HAO2: variants seen among roughly 807,000 people sequenced by gnomAD.
HAO2 encodes 2-Hydroxyacid oxidase 2.
HAO2 carries 42 observed loss-of-function variants against 37.4 expected under a neutral mutation model. That is an observed-to-expected ratio of 1.12 (90% CI 0.88 to 1.45). The LOEUF (loss-of-function observed/expected upper bound fraction) is 1.45, where lower values mean the gene tolerates loss of function less well. Among genes scored for constraint, HAO2 ranks in the 40% most tolerant of loss-of-function variants. The probability of loss-of-function intolerance (pLI) is 0.00; values close to 1 mark genes in which losing one functional copy is unlikely to be tolerated. For missense variants in HAO2, 476 were observed against 430.2 expected, an observed-to-expected ratio of 1.11 and a Z score of -0.94; for synonymous variants, 180 against 162.8, an observed-to-expected ratio of 1.11 and a Z score of -0.81.
At chr1:119,381,822 A>T (rs1257110407) in intron 2 of HAO2, among the ~76,000 whole-genome samples, 1 of 152,194 alleles carries the variant, frequency 6.6e-6, no homozygotes, top group Admixed American at 6.5e-5. Context: ...AAGAAGAATA[A>T]TTTGTAATAC....
chr1:119,380,712 G>A (rs1383434989), intron 1 of HAO2: 2 of 1,601,056 alleles, frequency 1.2e-6, no homozygotes, highest in East Asian at 2.2e-5. Context: ...AAGATGTGGA[G>A]TGAATGTGAA....
intron 1 of HAO2, among the ~76,000 whole-genome samples, chr1:119,370,800 G>A (rs185139759): frequency 4.6e-5 from 7 of 152,270 alleles, no homozygotes; most frequent in Admixed American, 3.9e-4. Context: ...GGAAGGCAAA[G>A]AGAGAAAAAA....
At chr1:119,392,509 C>T in intron 6 of HAO2, 109 bp from the exon 7 acceptor site, 1 of 820,722 alleles carries the variant, frequency 1.2e-6, no homozygotes, top group Non-Finnish European at 2.1e-6. Flanking sequence ...CACAGATAAT[C>T]CCCATCTTTC....
chr1:119,390,174 T>C (rs183736580), intron 5 of HAO2, among the ~76,000 whole-genome samples: 313 of 152,362 alleles, frequency 2.1e-3, no homozygotes, highest in Non-Finnish European at 3.6e-3. Flanking sequence ...AGTTCCATGC[T>C]GTTTTGGTGA....
chr1:119,375,187 GACAAAATAAAGTGGGAATACAAGAAA>G (rs1377402167), intron 1 of HAO2, among the ~76,000 whole-genome samples: 5 of 152,094 alleles, frequency 3.3e-5, no homozygotes, highest in Non-Finnish European at 5.9e-5. Context: ...AATACAAGAA[GACAAAATAAAGTGGGAATACAAGAAA>G]ACCATTAGAT....
At chr1:119,381,314 A>G in intron 2 of HAO2, 98 bp downstream of exon 2, 1 of 843,606 alleles carries the variant, frequency 1.2e-6, no homozygotes, top group Non-Finnish European at 2.0e-6. Flanking sequence ...CAAAAAACAC[A>G]GATCACTCAA....
chr1:119,387,061 A>G (rs1477691539), intron 5 of HAO2, among the ~76,000 whole-genome samples: 2 of 152,202 alleles, frequency 1.3e-5, no homozygotes, highest in African/African-American at 4.8e-5. Context: ...TCTCATGCCA[A>G]TGCTGCAAGA....
Position 119,393,812 on chromosome 1 carries a change from G to T in HAO2, c.1028G>T (p.Arg343Leu). 6.2e-7 allele frequency: 1 copy of T among 1,613,132 alleles called. No homozygotes were observed. The highest frequency in any genetic ancestry group is 1.1e-5 in the South Asian group (1 of 91,042). Reference sequence around the variant, plus strand: ...TGCCGGTCGGTCGCTGAGATCAATCGAAACTTGGTCCAGTTTTCCAGGCTG... The same window carrying T: ...TGCCGGTCGGTCGCTGAGATCAATCTAAACTTGGTCCAGTTTTCCAGGCTG... ...TGCRSVAEIN[R>L]NLVQFSRL Residue 343 changes from arginine to leucine, a missense_variant, in exon 8 of 8, where the codon CGA becomes CTA. Arg to Leu is a moderately radical substitution (Grantham distance 102, BLOSUM62 -2). Transcript: ENST00000325945.
At chr1:119,387,954 C>A in intron 5 of HAO2, among the ~76,000 whole-genome samples, 1 of 152,188 alleles carries the variant, frequency 6.6e-6, no homozygotes, top group South Asian at 2.1e-4. Context: ...TCACCTCCTC[C>A]TCTGCACCAG....
chr1:119,383,733 A>G (rs1650155430), intron 3 of HAO2, among the ~76,000 whole-genome samples: 1 of 151,970 alleles, frequency 6.6e-6, no homozygotes, highest in African/African-American at 2.4e-5. Context: ...ACTCTTTCGT[A>G]ATCTTCACTC....
chr1:119,393,540 T>C (rs924979705), intron 7 of HAO2, among the ~76,000 whole-genome samples: 4 of 152,142 alleles, frequency 2.6e-5, no homozygotes, highest in African/African-American at 9.7e-5. Context: ...AATGCTAAAA[T>C]AGGGTTTTTA....
At chr1:119,369,454 G>A (rs891871076) in intron 1 of HAO2, among the ~76,000 whole-genome samples, 3 of 152,292 alleles carry the variant, frequency 2.0e-5, no homozygotes, top group Middle Eastern at 3.4e-3. Flanking sequence ...ATCAACCTGC[G>A]GAGAACTGCC....
chr1:119,391,917 G>A (rs1290522026), intron 5 of HAO2, among the ~76,000 whole-genome samples, 193 bp from the exon 6 acceptor site: 3 of 152,158 alleles, frequency 2.0e-5, no homozygotes, highest in Admixed American at 2.0e-4. Context: ...AGTCAAAGCA[G>A]AAAGTCAAGG....
chr1:119,380,368 C>A (rs910347328), intron 1 of HAO2: 1 of 302,414 alleles, frequency 3.3e-6, no homozygotes, highest in Non-Finnish European at 6.0e-6. Context: ...CTCAGGTACC[C>A]AAATTAGCAA....
chr1:119,391,832 T>C (rs1650930634), intron 5 of HAO2, among the ~76,000 whole-genome samples: 1 of 152,182 alleles, frequency 6.6e-6, no homozygotes, highest in South Asian at 2.1e-4. Context: ...ATGTCCCTTT[T>C]AGGATGGAAA....
chr1:119,392,259 T>G lies in HAO2; in HGVS notation c.921T>G (p.Leu307=), dbSNP rs750077780. ...TTGGGAGACCAATCCTATGGGGCCT[T>G]GCCTGCAAGGTGAGAGTGGCAAAGC... ...IFLGRPILWG[L]ACKGEHGVKE... The change falls in exon 6 of 8, where the codon CTT becomes CTG. Residue 307 remains leucine, a synonymous_variant. Transcript: ENST00000325945. 2 of 1,610,814 alleles carry G rather than the reference T, an allele frequency of 1.2e-6. No homozygotes were observed. Among genetic ancestry groups the G allele is most frequent in the Non-Finnish European group, 1.7e-6 (2 of 1,178,500 alleles).
chr1:119,369,314 C>T (rs1648770929), intron 1 of HAO2, among the ~76,000 whole-genome samples: 1 of 152,122 alleles, frequency 6.6e-6, no homozygotes, highest in South Asian at 2.1e-4. Context: ...TGGCTATGCT[C>T]CTAAAAAAGT....
chr1:119,372,552 C>T (rs916505412), intron 1 of HAO2, among the ~76,000 whole-genome samples: 21 of 152,112 alleles, frequency 1.4e-4, no homozygotes, highest in Non-Finnish European at 2.4e-4. Context: ...TTGGAGAAAT[C>T]GAGAAAGGAG....
At chr1:119,381,436 A>G (rs1465917213) in intron 2 of HAO2, among the ~76,000 whole-genome samples, 1 of 152,172 alleles carries the variant, frequency 6.6e-6, no homozygotes, top group Non-Finnish European at 1.5e-5. Flanking sequence ...AGCATAAGTG[A>G]GTCATTCTCC....
Sources: gnomAD v4.1 joint callset for allele counts (sites outside exome capture counted in the v4.1 genomes callset) on GRCh38, gnomAD v4.1.1 for gene constraint, MANE v1.5 for transcripts, NCBI Gene and HGNC (gene_info 2026-07-23, HGNC 2026-07-21) for gene names.